The following NKAIN2 variants were observed in gnomAD, a reference collection of about 807,000 sequenced individuals.
The protein encoded by NKAIN2 is sodium/potassium-transporting ATPase subunit beta-1-interacting protein 2.
Under a neutral mutation model 32.6 loss-of-function variants are expected in NKAIN2, and 14 were observed. That is an observed-to-expected ratio of 0.43 (90% CI 0.28 to 0.67). The LOEUF (loss-of-function observed/expected upper bound fraction) is 0.67. Ranked by LOEUF, NKAIN2 falls within the 30% of genes least tolerant of loss-of-function variation. The pLI, the probability that NKAIN2 is intolerant of heterozygous loss-of-function variation, is 0.17. For synonymous variants in NKAIN2, 80 were observed against 87.2 expected, an observed-to-expected ratio of 0.92 and a Z score of 0.46; for missense variants, 198 against 258.3, an observed-to-expected ratio of 0.77 and a Z score of 1.60.
At chr6:124,040,289 C>T (rs1474367186) in intron 1 of NKAIN2, among the ~76,000 whole-genome samples, 3 of 151,548 alleles carry the variant, frequency 2.0e-5, no homozygotes, top group Non-Finnish European at 4.4e-5. Flanking sequence ...TCTTTATTCC[C>T]AGGTTTTATC....
intron 4 of NKAIN2, among the ~76,000 whole-genome samples, chr6:124,752,547 G>A (rs942299476): frequency 5.3e-5 from 8 of 151,964 alleles, no homozygotes; most frequent in Non-Finnish European, 1.0e-4. Flanking sequence ...GGGTATGTGT[G>A]TGTGTGTGTG....
At chr6:124,404,808 T>C (rs956254390) in intron 3 of NKAIN2, among the ~76,000 whole-genome samples, 2 of 152,216 alleles carry the variant, frequency 1.3e-5, no homozygotes, top group African/African-American at 4.8e-5. Context: ...CATTAAAATA[T>C]AAATCTTGTA....
At chr6:124,185,602 A>G (rs1457649743) in intron 1 of NKAIN2, among the ~76,000 whole-genome samples, 1 of 152,184 alleles carries the variant, frequency 6.6e-6, no homozygotes, top group African/African-American at 2.4e-5. Context: ...CTTTGAAGTT[A>G]TTCCTGAAAA....
intron 1 of NKAIN2, among the ~76,000 whole-genome samples, chr6:124,054,133 T>C (rs1373829920): frequency 6.6e-6 from 1 of 152,030 alleles, no homozygotes; most frequent in Non-Finnish European, 1.5e-5. Context: ...AAAATCAAAT[T>C]AGGTGTAGGT....
At chr6:124,206,532 GC>G (rs1183196106) in intron 1 of NKAIN2, among the ~76,000 whole-genome samples, 1 of 151,782 alleles carries the variant, frequency 6.6e-6, no homozygotes, top group Non-Finnish European at 1.5e-5. Flanking sequence ...ATTTGAAAAT[GC>G]ATTTAAATAC....
At chr6:124,336,485 G>C (rs1427973501) in intron 2 of NKAIN2, among the ~76,000 whole-genome samples, 2 of 152,004 alleles carry the variant, frequency 1.3e-5, no homozygotes, top group Non-Finnish European at 2.9e-5. Context: ...TTACTTTGTG[G>C]GGATTTGAAA....
intron 3 of NKAIN2, among the ~76,000 whole-genome samples, chr6:124,466,276 G>A (rs1237594894): frequency 6.6e-6 from 1 of 152,130 alleles, no homozygotes; most frequent in Non-Finnish European, 1.5e-5. Context: ...CTTAGTGAGA[G>A]AACAAGCTAC....
At chr6:124,437,498 CCTTT>C (rs970760736) in intron 3 of NKAIN2, among the ~76,000 whole-genome samples, 4 of 152,110 alleles carry the variant, frequency 2.6e-5, no homozygotes, top group African/African-American at 9.7e-5. Context: ...TTCCTTCCTT[CCTTT>C]CTCACCTTCT....
chr6:124,236,816 T>C (rs962383654), intron 1 of NKAIN2, among the ~76,000 whole-genome samples: 1 of 152,112 alleles, frequency 6.6e-6, no homozygotes, highest in South Asian at 2.1e-4. Flanking sequence ...AACCTGTCTT[T>C]AGTTTGGTAA....
At chr6:124,484,932 A>G (rs1199463425) in intron 3 of NKAIN2, among the ~76,000 whole-genome samples, 2 of 152,190 alleles carry the variant, frequency 1.3e-5, no homozygotes, top group Non-Finnish European at 2.9e-5. Flanking sequence ...CCCTGCTAGC[A>G]TATAAAACAC....
intron 1 of NKAIN2, among the ~76,000 whole-genome samples, chr6:124,277,242 T>C (rs373768170): frequency 9.9e-5 from 15 of 152,268 alleles, no homozygotes; most frequent in African/African-American, 3.4e-4. Flanking sequence ...AACAAACGAA[T>C]GTTAGCAGCA....
chr6:124,585,846 G>T (rs981485852), intron 3 of NKAIN2, among the ~76,000 whole-genome samples: 2 of 152,086 alleles, frequency 1.3e-5, no homozygotes, highest in African/African-American at 4.8e-5. Context: ...ACAAGCAGAG[G>T]TTTAAGTTTG....
chr6:124,327,841 A>G (rs1417446888), intron 2 of NKAIN2, among the ~76,000 whole-genome samples: 4 of 152,192 alleles, frequency 2.6e-5, no homozygotes, highest in African/African-American at 9.6e-5. Context: ...TCTGGGCCAC[A>G]TTACATTAAG....
chr6:124,499,174 T>A (rs1029349310), intron 3 of NKAIN2, among the ~76,000 whole-genome samples: 2 of 152,212 alleles, frequency 1.3e-5, no homozygotes, highest in Non-Finnish European at 2.9e-5. Flanking sequence ...AGGTGTAATA[T>A]TTTTCTAATC....
At chr6:124,088,386 C>A (rs1784281624) in intron 1 of NKAIN2, among the ~76,000 whole-genome samples, 1 of 151,806 alleles carries the variant, frequency 6.6e-6, no homozygotes. Context: ...TCCAGCCCAA[C>A]CAACAGAGTG....
At chr6:123,978,105 AT>A (rs1418451615) in intron 1 of NKAIN2, among the ~76,000 whole-genome samples, 1 of 152,274 alleles carries the variant, frequency 6.6e-6, no homozygotes, top group East Asian at 1.9e-4. Flanking sequence ...TTTTCACTTT[AT>A]TTTAAAAGCT....
chr6:124,112,141 T>C (rs987108582), intron 1 of NKAIN2, among the ~76,000 whole-genome samples: 1 of 152,190 alleles, frequency 6.6e-6, no homozygotes, highest in African/African-American at 2.4e-5. Context: ...ATATATTTAC[T>C]TTTCTCAACC....
At chr6:124,220,777 C>T (rs1791773377) in intron 1 of NKAIN2, among the ~76,000 whole-genome samples, 2 of 151,866 alleles carry the variant, frequency 1.3e-5, no homozygotes, top group Non-Finnish European at 2.9e-5. Flanking sequence ...GAGTGGGAAC[C>T]TTTAGTTTTA....
At chr6:124,671,364 A>G (rs1447263655) in intron 4 of NKAIN2, among the ~76,000 whole-genome samples, 1 of 152,086 alleles carries the variant, frequency 6.6e-6, no homozygotes, top group Non-Finnish European at 1.5e-5. Context: ...TTCAAGGGCA[A>G]TTTTCTCTCA....
Sources: allele counts gnomAD v4.1 joint callset (sites outside exome capture counted in the v4.1 genomes callset), GRCh38; gene constraint gnomAD v4.1.1; transcripts MANE v1.5; gene names NCBI Gene and HGNC (gene_info 2026-07-23, HGNC 2026-07-21).